CUX1: variants seen among roughly 807,000 people sequenced by gnomAD.
CUX1 encodes cut like homeobox 1, also known as protein CASP.
Under a neutral mutation model 158.8 loss-of-function variants are expected in CUX1, and 31 were observed. The ratio of observed to expected loss-of-function variants is 0.20; its 90% CI spans 0.15 to 0.26. The LOEUF is 0.26. CUX1 is among the 10% of genes least tolerant of loss of function. The pLI is 1.00. For synonymous variants in CUX1, 879 were observed against 862.1 expected (o/e 1.02, Z -0.34); for missense variants, 1,589 against 2,014.6 (o/e 0.79, Z 4.04).
chr7:101,966,212 C>T (rs1402061964), intron 2 of CUX1, among the ~76,000 whole-genome samples: 5 of 151,752 alleles, frequency 3.3e-5, no homozygotes, highest in South Asian at 2.1e-4. Flanking sequence ...ACTACAGGTG[C>T]GCGTCACCAT....
At chr7:102,099,426 C>G (rs782290622) in intron 5 of CUX1, among the ~76,000 whole-genome samples, 1 of 151,378 alleles carries the variant, frequency 6.6e-6, no homozygotes, top group Non-Finnish European at 1.5e-5. Flanking sequence ...ACCTGCAAAT[C>G]TGCACATTGA....
At chr7:101,831,774 C>A (rs1049173301) in intron 1 of CUX1, among the ~76,000 whole-genome samples, 1 of 129,032 alleles carries the variant, frequency 7.8e-6, no homozygotes, top group Non-Finnish European at 1.7e-5. Context: ...CAGAGTCTCG[C>A]TCTGTCGCCC....
intron 8 of CUX1, among the ~76,000 whole-genome samples, chr7:102,126,383 C>G (rs1162725054): frequency 6.6e-6 from 1 of 152,082 alleles, no homozygotes; most frequent in African/African-American, 2.4e-5. Context: ...GTTTACTATA[C>G]AAAGTTTAGA....
At chr7:101,930,428 TTG>T (rs1442701266) in intron 2 of CUX1, among the ~76,000 whole-genome samples, 3 of 152,176 alleles carry the variant, frequency 2.0e-5, no homozygotes, top group African/African-American at 7.2e-5. Context: ...AAAATGACAA[TTG>T]GATACCAAGC....
chr7:102,111,622 G>A (rs1408805128), intron 6 of CUX1, 76 bp from the exon 7 acceptor site: 12 of 1,375,124 alleles, frequency 8.7e-6, no homozygotes, highest in Non-Finnish European at 1.1e-5. Context: ...AGGGAGCTGA[G>A]CTCAGCCGAA....
intron 8 of CUX1, among the ~76,000 whole-genome samples, chr7:102,116,018 G>A (rs992930547): frequency 1.3e-5 from 2 of 152,102 alleles, no homozygotes; most frequent in South Asian, 2.1e-4. Flanking sequence ...ACACACACGC[G>A]TGCTTACTGC....
At chr7:102,214,844 C>A (rs1313794912) in intron 20 of CUX1, among the ~76,000 whole-genome samples, 1 of 152,242 alleles carries the variant, frequency 6.6e-6, no homozygotes, top group Non-Finnish European at 1.5e-5. Context: ...CCTTTGGAAC[C>A]GGATTCCTAA....
intron 2 of CUX1, among the ~76,000 whole-genome samples, chr7:102,001,409 T>C (rs554360133): frequency 1.0e-3 from 157 of 152,298 alleles, no homozygotes; most frequent in Non-Finnish European, 1.9e-3. Context: ...AGTGGTACGA[T>C]CTCAGCTCAC....
At chr7:101,959,241 G>A (rs1483860188) in intron 2 of CUX1, 4 of 20,200 alleles carry the variant, frequency 2.0e-4, no homozygotes, top group East Asian at 1.5e-3. Flanking sequence ...TGTGTGCAGT[G>A]TGTGTGTGTG....
Position 102,034,446 on chromosome 7 carries a change from C to A in CUX1, c.189+6301C>A, listed in dbSNP as rs59092941. On this transcript the variant is annotated intron_variant, in intron 3 of 23. Coordinates refer to ENST00000292535, the MANE Select transcript of CUX1 (RefSeq NM_181552.4). ...ACCAGCCTGGACAATGTGGTGGAAC[C>A]CTGTCTCTACTAAAAATACAAAAAC... 6.6e-5 allele frequency among the ~76,000 whole-genome samples: 10 copies of A among 151,870 alleles called. No homozygotes were observed. In the East Asian group the frequency reaches 1.2e-3, roughly 18 times the overall value.
chr7:102,006,163 G>A (rs760300872), intron 2 of CUX1, among the ~76,000 whole-genome samples: 25 of 152,072 alleles, frequency 1.6e-4, no homozygotes, highest in East Asian at 5.8e-4. Flanking sequence ...CTTTTAACCC[G>A]GGAGTAAAGA....
At chr7:102,087,881 C>T (rs529977409) in intron 4 of CUX1, among the ~76,000 whole-genome samples, 5 of 152,118 alleles carry the variant, frequency 3.3e-5, no homozygotes, top group East Asian at 1.9e-4. Context: ...CAAGTATGCA[C>T]GTGAAATCAT....
intron 22 of CUX1, among the ~76,000 whole-genome samples, chr7:102,235,089 A>G (rs1799409002): frequency 6.6e-6 from 1 of 152,226 alleles, no homozygotes; most frequent in African/African-American, 2.4e-5. Flanking sequence ...CCCTAGAGGA[A>G]TAACCCCACG....
intron 2 of CUX1, among the ~76,000 whole-genome samples, chr7:101,968,703 A>G (rs1811544386): frequency 1.3e-5 from 2 of 152,130 alleles, no homozygotes; most frequent in Admixed American, 1.3e-4. Flanking sequence ...GATTATAGGC[A>G]TGAGCCACCA....
chr7:102,051,197 C>A (rs1207461326), intron 3 of CUX1, among the ~76,000 whole-genome samples: 1 of 152,146 alleles, frequency 6.6e-6, no homozygotes. Context: ...TGTTTGAACA[C>A]GTCTCTGTGT....
At chr7:102,232,721 A>G (rs904213906) in intron 21 of CUX1, among the ~76,000 whole-genome samples, 5 of 152,228 alleles carry the variant, frequency 3.3e-5, no homozygotes, top group Non-Finnish European at 7.3e-5. Flanking sequence ...GCTCCTGACA[A>G]GCATTGCCAA....
intron 3 of CUX1, among the ~76,000 whole-genome samples, chr7:102,051,640 GC>G (rs1823509607): frequency 7.2e-6 from 1 of 138,434 alleles, no homozygotes; most frequent in Non-Finnish European, 1.5e-5. Flanking sequence ...GGGTGACAGA[GC>G]GAGACTCTGT....
chr7:102,094,815 T>G (rs1829011394), intron 4 of CUX1, among the ~76,000 whole-genome samples: 1 of 152,196 alleles, frequency 6.6e-6, no homozygotes, highest in Non-Finnish European at 1.5e-5. Flanking sequence ...GGCTGTTCAC[T>G]TTCTTGAAAC....
At chr7:102,168,643 CAAAAAAAAA>C (rs1167424159) in intron 9 of CUX1, among the ~76,000 whole-genome samples, 1 of 75,662 alleles carries the variant, frequency 1.3e-5, no homozygotes, top group Non-Finnish European at 2.6e-5. Flanking sequence ...GGCTCTGTCT[CAAAAAAAAA>C]AAAAAAAAAA....
Sources: allele counts gnomAD v4.1 joint callset (sites outside exome capture counted in the v4.1 genomes callset), GRCh38; gene constraint gnomAD v4.1.1; transcripts MANE v1.5; gene names NCBI Gene and HGNC (gene_info 2026-07-23, HGNC 2026-07-21).